The following SPECC1 variants were observed in gnomAD, a reference collection of about 807,000 sequenced individuals.
SPECC1 encodes the protein sperm antigen with calponin homology and coiled-coil domains 1.
Under a neutral mutation model 104.1 loss-of-function variants are expected in SPECC1, and 62 were observed. That is an observed-to-expected ratio of 0.60 (90% CI 0.49 to 0.74). The LOEUF is 0.74. SPECC1 is among the 30% of genes least tolerant of loss of function. SPECC1 has a pLI of 0.00. For missense variants in SPECC1, 1,306 were observed against 1,310.5 expected, an observed-to-expected ratio of 1.00 and a Z score of 0.05; for synonymous variants, 513 against 501.6, an observed-to-expected ratio of 1.02 and a Z score of -0.30.
chr17:20,163,502 A>G (rs1022820396), intron 3 of SPECC1, among the ~76,000 whole-genome samples: 10 of 152,094 alleles, frequency 6.6e-5, no homozygotes, highest in Non-Finnish European at 2.9e-5. Context: ...TAATTATTCT[A>G]ATAAACTTAG....
intron 1 of SPECC1, among the ~76,000 whole-genome samples, chr17:20,038,305 A>G (rs886490097): frequency 7.6e-6 from 1 of 132,160 alleles, no homozygotes; most frequent in African/African-American, 2.7e-5. Flanking sequence ...AGTGGAGACT[A>G]TTGATTTGAA....
chr17:20,152,257 G>A (rs1204459837), intron 3 of SPECC1, among the ~76,000 whole-genome samples: 1 of 152,140 alleles, frequency 6.6e-6, no homozygotes, highest in Admixed American at 6.6e-5. Flanking sequence ...CTGAGATCAC[G>A]CTATTGCACT....
chr17:20,101,297 T>C (rs2152511471), intron 2 of SPECC1, among the ~76,000 whole-genome samples: 1 of 152,314 alleles, frequency 6.6e-6, no homozygotes, highest in East Asian at 1.9e-4. Context: ...GTAAAAGCAT[T>C]CCTATTTCTC....
chr17:20,131,806 C>A (rs547465532), intron 3 of SPECC1, among the ~76,000 whole-genome samples: 1 of 151,740 alleles, frequency 6.6e-6, no homozygotes, highest in African/African-American at 2.4e-5. Context: ...CGCACCACCA[C>A]GCCTGGCTAA....
At chr17:20,158,496 C>T (rs2032816079) in intron 3 of SPECC1, among the ~76,000 whole-genome samples, 1 of 152,128 alleles carries the variant, frequency 6.6e-6, no homozygotes, top group Non-Finnish European at 1.5e-5. Flanking sequence ...GCAGGGAGAG[C>T]CTCAGATAAT....
intron 1 of SPECC1, among the ~76,000 whole-genome samples, chr17:20,020,683 T>C (rs942178856): frequency 6.6e-6 from 1 of 152,224 alleles, no homozygotes. Flanking sequence ...ATTAATTATA[T>C]TCTCATTCTT....
At chr17:20,265,539 G>A (rs2040189843) in intron 12 of SPECC1, among the ~76,000 whole-genome samples, 3 of 152,064 alleles carry the variant, frequency 2.0e-5, no homozygotes, top group Non-Finnish European at 4.4e-5. Flanking sequence ...CCATTCTATG[G>A]GTTGTCTGTT....
intron 12 of SPECC1, among the ~76,000 whole-genome samples, chr17:20,292,333 T>TC (rs770952351): frequency 2.0e-5 from 3 of 150,776 alleles, no homozygotes; most frequent in Non-Finnish European, 4.4e-5. Context: ...TGTTTTTTCA[T>TC]CTTTTTTTTT....
chr17:20,125,871 G>A (rs2049277919), intron 3 of SPECC1, among the ~76,000 whole-genome samples: 1 of 152,204 alleles, frequency 6.6e-6, no homozygotes, highest in African/African-American at 2.4e-5. Flanking sequence ...TGAATTCTAA[G>A]CTTGAGGACA....
chr17:20,186,768 T>A (rs969700046), intron 3 of SPECC1, among the ~76,000 whole-genome samples: 1 of 152,162 alleles, frequency 6.6e-6, no homozygotes, highest in Admixed American at 6.5e-5. Context: ...TGTCTCACTA[T>A]GTTGCCCAGG....
intron 4 of SPECC1, among the ~76,000 whole-genome samples, chr17:20,221,457 C>T (rs2037869464): frequency 6.6e-6 from 1 of 152,114 alleles, no homozygotes; most frequent in Non-Finnish European, 1.5e-5. Context: ...TATAGTTGCT[C>T]ATAGTAGTCT....
chr17:20,081,159 A>G (rs1183773561), intron 1 of SPECC1, among the ~76,000 whole-genome samples: 1 of 151,902 alleles, frequency 6.6e-6, no homozygotes, highest in East Asian at 1.9e-4. Context: ...TTTTAGTAGC[A>G]TTTTCCCAAT....
chr17:20,103,580 C>G (rs2048043855), intron 2 of SPECC1, among the ~76,000 whole-genome samples: 1 of 152,160 alleles, frequency 6.6e-6, no homozygotes, highest in African/African-American at 2.4e-5. Context: ...ACAAGCCCGA[C>G]AGAAGCAGCC....
intron 3 of SPECC1, among the ~76,000 whole-genome samples, chr17:20,177,837 G>A (rs1296461579): frequency 6.6e-6 from 1 of 152,066 alleles, no homozygotes; most frequent in Non-Finnish European, 1.5e-5. Flanking sequence ...AGCCTCCCGA[G>A]TAGCTGGGCC....
rs1567934678 is a variant in SPECC1, at chr17:20,204,396, CAA to C, written c.348_349del (p.Arg119ValfsTer40). On this transcript the variant is annotated frameshift_variant, in exon 4 of 15. Coordinates refer to ENST00000395527, the MANE Select transcript of SPECC1 (RefSeq NM_001243439.2). LOFTEE classifies it high-confidence loss of function. ...CCACGGGAATTTTCAGTAACTGTCT[CAA>C]GAGAGAGGTCTGTGCCACGTGGTCC... The C allele has an allele frequency of 1.9e-6, 3 of 1,614,060 alleles. No individual in the cohort carries two copies. The highest frequency in any genetic ancestry group is 2.5e-6 in the Non-Finnish European group (3 of 1,179,992).
At chr17:20,155,854 A>C in intron 3 of SPECC1, 1 of 989,712 alleles carries the variant, frequency 1.0e-6, no homozygotes, top group Non-Finnish European at 1.2e-6. Flanking sequence ...GCCTTCTGGC[A>C]GCCAAGAAGG....
At chr17:20,012,375 G>A (rs1416553496) in intron 1 of SPECC1, among the ~76,000 whole-genome samples, 1 of 151,578 alleles carries the variant, frequency 6.6e-6, no homozygotes, top group Non-Finnish European at 1.5e-5. Context: ...ATTCTTGTAG[G>A]GGTTTTTGTA....
intron 4 of SPECC1, among the ~76,000 whole-genome samples, chr17:20,209,605 A>G (rs2037005362): frequency 6.6e-6 from 1 of 151,742 alleles, no homozygotes; most frequent in Admixed American, 6.6e-5. Context: ...ATTTTTTTCA[A>G]CTTCTCTGAT....
chr17:20,071,873 A>G (rs961810936), intron 1 of SPECC1, among the ~76,000 whole-genome samples: 6 of 152,210 alleles, frequency 3.9e-5, no homozygotes, highest in Non-Finnish European at 7.3e-5. Flanking sequence ...CTATTAATAG[A>G]TTTACAGTCT....
Sources: gnomAD v4.1 joint callset for allele counts (sites outside exome capture counted in the v4.1 genomes callset) on GRCh38, gnomAD v4.1.1 for gene constraint, MANE v1.5 for transcripts, NCBI Gene and HGNC (gene_info 2026-07-23, HGNC 2026-07-21) for gene names.